RPTOR: variants seen among roughly 807,000 people sequenced by gnomAD.
RPTOR encodes the protein regulatory associated protein of MTOR complex 1.
A neutral mutation model predicts 169.9 loss-of-function variants in RPTOR; 21 were observed. The ratio of observed to expected loss-of-function variants is 0.12; its 90% CI spans 0.09 to 0.18. The LOEUF is 0.18. Ranked by LOEUF, RPTOR falls within the 10% of genes least tolerant of loss-of-function variation. RPTOR has a pLI of 1.00. For missense variants in RPTOR, 1,133 were observed against 1,855.9 expected, an observed-to-expected ratio of 0.61 and a Z score of 7.16; for synonymous variants, 732 against 753.2, an observed-to-expected ratio of 0.97 and a Z score of 0.46.
chr17:80,739,096 C>T (rs1470164771), intron 5 of RPTOR, among the ~76,000 whole-genome samples: 1 of 98,812 alleles, frequency 1.0e-5, no homozygotes, highest in Non-Finnish European at 2.3e-5. Flanking sequence ...CACTGTGATC[C>T]CAGCAGGACC....
intron 25 of RPTOR, among the ~76,000 whole-genome samples, chr17:80,942,934 G>A (rs1371997355): frequency 6.6e-6 from 1 of 152,266 alleles, no homozygotes; most frequent in Non-Finnish European, 1.5e-5. Context: ...CCTGCAGCTG[G>A]GAATGGAGGC....
intron 3 of RPTOR, among the ~76,000 whole-genome samples, chr17:80,647,106 G>A (rs950039242): frequency 2.0e-5 from 3 of 152,108 alleles, no homozygotes; most frequent in African/African-American, 7.2e-5. Context: ...TTTTCTGAAG[G>A]CTGCCAGCCA....
At position 80,860,150 on chromosome 17, in the gene RPTOR, A is replaced by G. The variant is rs973664330; in HGVS notation, c.1509+2250A>G. On this transcript the variant is annotated intron_variant, in intron 13 of 33. Transcript: ENST00000306801. The surrounding 1 kb of genome is among the most constrained non-coding windows in gnomAD (Gnocchi z 5.8). ...TGCTGCCCGGCGCTCCCCAGGCCAC[A>G]TTCTGTCAGCTCCTCCGTCCAGTCA... Among the ~76,000 whole-genome samples the G allele has an allele frequency of 2.6e-5, 4 of 152,128 alleles. No individual in the cohort carries two copies. The highest frequency in any genetic ancestry group is 9.7e-5 in the African/African-American group (4 of 41,410).
At chr17:80,666,777 G>A (rs1014767857) in intron 3 of RPTOR, among the ~76,000 whole-genome samples, 5 of 152,220 alleles carry the variant, frequency 3.3e-5, no homozygotes, top group African/African-American at 1.2e-4. Context: ...AGCAGTCCGA[G>A]AACCCACCTA....
intron 3 of RPTOR, among the ~76,000 whole-genome samples, chr17:80,692,517 C>A (rs1366069525): frequency 6.6e-6 from 1 of 152,138 alleles, no homozygotes; most frequent in Admixed American, 6.5e-5. Flanking sequence ...GATGGGGTTT[C>A]TCCATGTTGG....
chr17:80,832,475 T>A (rs2067516525), intron 9 of RPTOR, among the ~76,000 whole-genome samples: 1 of 152,204 alleles, frequency 6.6e-6, no homozygotes, highest in Non-Finnish European at 1.5e-5. Context: ...AGGGAGGGAA[T>A]GTGGCCTCCA....
At chr17:80,904,216 AGG>A (rs2068512836) in intron 20 of RPTOR, among the ~76,000 whole-genome samples, 1 of 152,108 alleles carries the variant, frequency 6.6e-6, no homozygotes, top group Admixed American at 6.5e-5. Context: ...GCAGCCCCTG[AGG>A]GGTCAGGAGG....
At chr17:80,898,955 G>T (rs1396480321) in intron 20 of RPTOR, among the ~76,000 whole-genome samples, 1 of 152,152 alleles carries the variant, frequency 6.6e-6, no homozygotes, top group African/African-American at 2.4e-5. Context: ...CCCTGTGGGT[G>T]TGCTCCCAGC....
intron 2 of RPTOR, among the ~76,000 whole-genome samples, chr17:80,641,554 T>C (rs1034466862): frequency 6.6e-4 from 101 of 152,336 alleles, no homozygotes; most frequent in African/African-American, 2.1e-3. Flanking sequence ...TTGGAGATCC[T>C]GCGGGTGTGG....
rs2084253566 is a variant in RPTOR, at chr17:80,544,863, G to A, written c.-767G>A. ...GTCCTGGCAATATGGCGTCCTCCTT[G>A]ATGGGCTGATGAGATGAGTTTCACT... On this transcript the variant is annotated 5_prime_UTR_variant, in exon 1 of 34. Transcript: ENST00000306801. 4.5e-6 allele frequency: 1 copy of A among 220,734 alleles called. No individual in the cohort carries two copies. The highest frequency in any genetic ancestry group is 9.1e-6 in the Non-Finnish European group (1 of 109,908). The allele number at this position is 220,734 out of a possible 1,614,324, so 13.7% of individuals were successfully genotyped here.
intron 13 of RPTOR, among the ~76,000 whole-genome samples, chr17:80,873,899 GGGGAAGTCGT>G (rs1464243544): frequency 2.6e-5 from 4 of 152,168 alleles, no homozygotes; most frequent in Non-Finnish European, 5.9e-5. Flanking sequence ...GGTCTGTGCT[GGGGAAGTCGT>G]GCAGACGTGC....
At chr17:80,840,491 C>A (rs1183218065) in intron 10 of RPTOR, among the ~76,000 whole-genome samples, 2 of 140,280 alleles carry the variant, frequency 1.4e-5, no homozygotes, top group African/African-American at 5.2e-5. Context: ...CGGCAGCTCA[C>A]TCTCACCACA....
At chr17:80,880,293 G>C (rs2068171861) in intron 13 of RPTOR, 122 bp from the exon 14 acceptor site, 1 of 824,108 alleles carries the variant, frequency 1.2e-6, no homozygotes. Flanking sequence ...AACTGGGCTT[G>C]AAAGGAGGAA....
intron 17 of RPTOR, among the ~76,000 whole-genome samples, chr17:80,888,688 G>A (rs146691235): frequency 3.5e-4 from 53 of 152,368 alleles, no homozygotes; most frequent in East Asian, 1.5e-3. Context: ...TGCTACAGAC[G>A]ACACCCCTGC....
chr17:80,789,212 T>C (rs1175917540), intron 6 of RPTOR, among the ~76,000 whole-genome samples: 1 of 152,214 alleles, frequency 6.6e-6, no homozygotes, highest in African/African-American at 2.4e-5. Context: ...TTTATTGACT[T>C]TTTTCTCTTG....
At chr17:80,929,073 A>G (rs1040144257) in intron 24 of RPTOR, among the ~76,000 whole-genome samples, 1 of 152,276 alleles carries the variant, frequency 6.6e-6, no homozygotes, top group Non-Finnish European at 1.5e-5. Flanking sequence ...GATGTTCATG[A>G]TAACATGATT....
intron 3 of RPTOR, among the ~76,000 whole-genome samples, chr17:80,653,893 G>A (rs1437470990): frequency 6.6e-6 from 1 of 152,336 alleles, no homozygotes; most frequent in East Asian, 1.9e-4. Context: ...ACTTTCCTCT[G>A]TTGCTTCAGC....
intron 13 of RPTOR, among the ~76,000 whole-genome samples, chr17:80,867,425 A>G (rs1055385364): frequency 2.6e-5 from 4 of 152,076 alleles, no homozygotes; most frequent in Admixed American, 2.6e-4. Flanking sequence ...GACAAACAGC[A>G]TCTCCACAAA....
At chr17:80,911,410 A>C (rs929939488) in intron 21 of RPTOR, among the ~76,000 whole-genome samples, 1 of 152,198 alleles carries the variant, frequency 6.6e-6, no homozygotes, top group African/African-American at 2.4e-5. Context: ...CAATTAAGTT[A>C]ATGTTTTCAT....
Sources: allele counts gnomAD v4.1 joint callset (sites outside exome capture counted in the v4.1 genomes callset), GRCh38; gene constraint gnomAD v4.1.1; non-coding constraint Gnocchi (gnomAD v3.1); transcripts MANE v1.5; gene names NCBI Gene and HGNC (gene_info 2026-07-23, HGNC 2026-07-21).